Variants in ROR2 observed in about 807,000 individuals in gnomAD.
The protein encoded by ROR2 is tyrosine-protein kinase transmembrane receptor ROR2.
A neutral mutation model predicts 74.9 loss-of-function variants in ROR2; 33 were observed. The observed-to-expected ratio is 0.44, with a 90% CI of 0.33 to 0.59. The LOEUF is 0.59. Among genes scored for constraint, ROR2 ranks in the 20% least tolerant of loss-of-function variants. ROR2 has a pLI of 0.02. For synonymous variants in ROR2, 586 were observed against 558.7 expected (o/e 1.05, Z -0.69); for missense variants, 1,216 against 1,313.8 (o/e 0.93, Z 1.15).
chr9:91,785,093 G>A (rs1019279933), intron 1 of ROR2, among the ~76,000 whole-genome samples: 4 of 151,994 alleles, frequency 2.6e-5, no homozygotes, highest in South Asian at 2.1e-4. Context: ...GTACACACAC[G>A]TATACACACA....
intron 1 of ROR2, among the ~76,000 whole-genome samples, chr9:91,937,029 CAAA>C (rs540672189): frequency 2.0e-4 from 13 of 65,650 alleles, no homozygotes; most frequent in South Asian, 1.3e-3. Context: ...GACTCCGTCT[CAAA>C]AAAAAAAAAA....
At position 91,949,821 on chromosome 9, in the gene ROR2, AGCCGTGAGCTACCGTCT is replaced by A. The variant is rs1192849059; in HGVS notation, c.97+29_97+45del. The A allele has an allele frequency of 4.1e-6, 5 of 1,221,156 alleles. No individual in the cohort carries two copies. In the East Asian group the frequency reaches 1.3e-4, roughly 31 times the overall value. The allele number at this position is 1,221,156 out of a possible 1,614,324, so 75.6% of individuals were successfully genotyped here. A position where few individuals can be genotyped will look rare whatever the true frequency, so the allele number is the denominator to read the frequency against. ...TGGCGGCGGAAGGGCTGGCCAAGCGAGCCGTGAGCTACCGTCTGCGCACAAGCCGGAACGCCAGATCC... is the reference window on the plus strand; with the variant it reads ...TGGCGGCGGAAGGGCTGGCCAAGCGAGCGCACAAGCCGGAACGCCAGATCC... On this transcript the variant is annotated intron_variant, in intron 1 of 8. Coordinates refer to ENST00000375708, the MANE Select transcript of ROR2 (RefSeq NM_004560.4).
intron 1 of ROR2, among the ~76,000 whole-genome samples, chr9:91,859,579 T>C (rs1057148072): frequency 4.6e-5 from 7 of 151,910 alleles, no homozygotes; most frequent in African/African-American, 1.5e-4. Flanking sequence ...TCCCAGCACT[T>C]TGGGAGGCAG....
intron 1 of ROR2, among the ~76,000 whole-genome samples, chr9:91,816,688 A>ACCCCCCCCCCCCCCCCCCCCCCCCCCC (rs571366129): frequency 1.1e-5 from 1 of 91,284 alleles, no homozygotes; most frequent in African/African-American, 4.2e-5. Flanking sequence ...CTTGTTTACC[A>ACCCCCCCCCCCCCCCCCCCCCCCCCCC]CCCCCCCACC....
chr9:91,734,887 A>G (rs1824971132), intron 5 of ROR2, among the ~76,000 whole-genome samples: 1 of 152,142 alleles, frequency 6.6e-6, no homozygotes, highest in Non-Finnish European at 1.5e-5. Context: ...CCTGTGGCCG[A>G]TATTTAAATG....
intron 1 of ROR2, among the ~76,000 whole-genome samples, chr9:91,888,412 G>T (rs1440786784): frequency 6.6e-6 from 1 of 152,244 alleles, no homozygotes; most frequent in South Asian, 2.1e-4. Flanking sequence ...ACACACCTGG[G>T]TAAGAATCAC....
chr9:91,739,353 A>G (rs1825141438), intron 4 of ROR2, among the ~76,000 whole-genome samples: 1 of 152,060 alleles, frequency 6.6e-6, no homozygotes, highest in South Asian at 2.1e-4. Context: ...TAAAAAATAC[A>G]AAAACTAGCT....
At chr9:91,866,892 G>T (rs901358839) in intron 1 of ROR2, among the ~76,000 whole-genome samples, 2 of 152,092 alleles carry the variant, frequency 1.3e-5, no homozygotes, top group Non-Finnish European at 2.9e-5. Flanking sequence ...GGGAGAAAAT[G>T]GAAAGGATTT....
chr9:91,918,692 G>A (rs1429873742), intron 1 of ROR2, among the ~76,000 whole-genome samples: 4 of 152,066 alleles, frequency 2.6e-5, no homozygotes, highest in Non-Finnish European at 5.9e-5. Flanking sequence ...TGAATTGTAC[G>A]CTCCGAAAAG....
At chr9:91,735,314 A>C (rs189208302) in intron 5 of ROR2, among the ~76,000 whole-genome samples, 14 of 152,304 alleles carry the variant, frequency 9.2e-5, no homozygotes, top group African/African-American at 2.9e-4. Flanking sequence ...CAAAACCACA[A>C]GTCTGTTGAG....
rs939178685 is a variant in ROR2, at chr9:91,724,110, G to A, written c.2384C>T (p.Pro795Leu). ...RYVGPKQKAP[P>L]FPQPQFIPMK... ...GGGGATGAACTGGGGCTGTGGGAAG[G>A]GCGGGGCCTTCTGCTTGGGCCCCAC... Residue 795 changes from proline to leucine, a missense_variant, in exon 9 of 9, where the codon CCC becomes CTC. Pro to Leu is a moderately conservative substitution (Grantham distance 98). Coordinates refer to ENST00000375708, the MANE Select transcript of ROR2 (RefSeq NM_004560.4). The A allele has an allele frequency of 6.2e-7, 1 of 1,610,858 alleles. No homozygotes were observed.
rs1307464170 is a variant in ROR2 at position 91,757,146 on chromosome 9, C to A, written c.463+126G>T. On this transcript the variant is annotated intron_variant, in intron 3 of 8. Transcript: ENST00000375708. The stretch of plus-strand genomic sequence containing the variant: ...GGCACATGGGGAAGGCCCTAGGGAA[C>A]GGTTTCATTGCTCTCCCCTCGTGCT... 7.2e-6 allele frequency: 9 copies of A among 1,242,360 alleles called. No homozygotes were observed. The Admixed American group carries it at 1.7e-4, about 23-fold the overall frequency. 77.0% of individuals were successfully genotyped at this position (1,242,360 alleles called of 1,614,324 possible). A position where few individuals can be genotyped will look rare whatever the true frequency, so the allele number is the denominator to read the frequency against.
chr9:91,871,563 C>T (rs139551481), intron 1 of ROR2, among the ~76,000 whole-genome samples: 52 of 152,298 alleles, frequency 3.4e-4, no homozygotes, highest in African/African-American at 1.2e-3. Context: ...ATCTCACATG[C>T]TCTCCATATG....
intron 6 of ROR2, among the ~76,000 whole-genome samples, chr9:91,732,376 C>T (rs1433811545): frequency 3.3e-5 from 5 of 152,158 alleles, no homozygotes; most frequent in Admixed American, 3.3e-4. Context: ...GGGGCTGCTG[C>T]CAGCAAGAGG....
intron 1 of ROR2, among the ~76,000 whole-genome samples, chr9:91,947,481 A>C (rs1832040033): frequency 6.6e-6 from 1 of 152,248 alleles, no homozygotes; most frequent in African/African-American, 2.4e-5. Flanking sequence ...TTCTTTTTCC[A>C]CAAAGTCTTC....
chr9:91,915,354 G>A (rs559877063), intron 1 of ROR2, among the ~76,000 whole-genome samples: 141 of 152,278 alleles, frequency 9.3e-4, no homozygotes, highest in African/African-American at 1.6e-3. Flanking sequence ...AAGTGTGTCC[G>A]GAGTTTTGTT....
rs1554681722 is a variant in ROR2, at chr9:91,839,279, T to TGTGTGTAAGTACAGGC, written c.98-63462_98-63461insGCCTGTACTTACACAC. ...GTGTGTGTGTGTGTGTGTGTGTGTGTGTGTGTGTGTGTGTGTAAGTACAGG... is the reference window on the plus strand; with the variant it reads ...GTGTGTGTGTGTGTGTGTGTGTGTGTGTGTGTAAGTACAGGCGTGTGTGTGTGTGTGTAAGTACAGG... On this transcript the variant is annotated intron_variant, in intron 1 of 8. Coordinates refer to ENST00000375708, the MANE Select transcript of ROR2 (RefSeq NM_004560.4). 9.2e-4 allele frequency among the ~76,000 whole-genome samples: 126 copies of TGTGTGTAAGTACAGGC among 136,580 alleles called. 1 individual carries two copies. Among genetic ancestry groups the TGTGTGTAAGTACAGGC allele is most frequent in the African/African-American group, 3.9e-3 (119 of 30,318 alleles). The allele number at this position is 136,580 out of a possible 152,430, so 89.6% of individuals were successfully genotyped here.
chr9:91,943,542 T>C (rs2118073747), intron 1 of ROR2, among the ~76,000 whole-genome samples: 1 of 152,262 alleles, frequency 6.6e-6, no homozygotes, highest in East Asian at 1.9e-4. Context: ...AACACACTTC[T>C]TATCTGTCTA....
intron 1 of ROR2, among the ~76,000 whole-genome samples, chr9:91,919,969 G>A (rs1188722861): frequency 1.3e-5 from 2 of 152,042 alleles, no homozygotes; most frequent in African/African-American, 2.4e-5. Context: ...AGCACCCACC[G>A]CCATCCCACA....
Sources: gnomAD v4.1 joint callset for allele counts (sites outside exome capture counted in the v4.1 genomes callset) on GRCh38, gnomAD v4.1.1 for gene constraint, MANE v1.5 for transcripts, NCBI Gene and HGNC (gene_info 2026-07-23, HGNC 2026-07-21) for gene names.